Variants in NLGN1 observed in about 807,000 individuals in gnomAD.
NLGN1 encodes neuroligin 1.
In NLGN1, 12 loss-of-function variants were observed where a neutral mutation model predicts 65.5. That is an observed-to-expected ratio of 0.18 (90% CI 0.12 to 0.30). The LOEUF (loss-of-function observed/expected upper bound fraction) is 0.30. NLGN1 is among the 10% of genes least tolerant of loss of function. The pLI is 1.00. For missense variants in NLGN1, 750 were observed against 1,007.1 expected (o/e 0.74, Z 3.46); for synonymous variants, 350 against 359.5 (o/e 0.97, Z 0.30).
At chr3:174,206,544 G>C (rs1331063405) in intron 4 of NLGN1, among the ~76,000 whole-genome samples, 1 of 152,162 alleles carries the variant, frequency 6.6e-6, no homozygotes, top group Non-Finnish European at 1.5e-5. Context: ...GAGGGCCTGT[G>C]TCCTACACTC....
intron 4 of NLGN1, chr3:174,202,914 A>G (rs1344850309): frequency 6.6e-6 from 1 of 152,196 alleles, no homozygotes; most frequent in Non-Finnish European, 1.5e-5. Context: ...CTTGTTGGTC[A>G]AGTGAATTGC....
chr3:173,731,858 TAA>T (rs1772912636), intron 3 of NLGN1, among the ~76,000 whole-genome samples: 1 of 151,996 alleles, frequency 6.6e-6, no homozygotes. Context: ...GTCAAAAAAT[TAA>T]AAAGACATTT....
intron 1 of NLGN1, among the ~76,000 whole-genome samples, chr3:173,417,448 T>C (rs1033436387): frequency 5.3e-5 from 8 of 151,950 alleles, no homozygotes; most frequent in African/African-American, 1.9e-4. Context: ...TCTATTTTGC[T>C]TAATTATCTG....
At chr3:173,783,354 C>T (rs1270522163) in intron 3 of NLGN1, among the ~76,000 whole-genome samples, 4 of 152,248 alleles carry the variant, frequency 2.6e-5, no homozygotes, top group East Asian at 3.9e-4. Context: ...GTAGCAGATA[C>T]GCTACTGTTG....
At chr3:173,680,491 C>T (rs1763808648) in intron 3 of NLGN1, among the ~76,000 whole-genome samples, 1 of 152,056 alleles carries the variant, frequency 6.6e-6, no homozygotes, top group Non-Finnish European at 1.5e-5. Flanking sequence ...GAAGTGTAGC[C>T]AGTCATCAGT....
intron 4 of NLGN1, among the ~76,000 whole-genome samples, chr3:174,096,506 A>G (rs1248830295): frequency 6.6e-6 from 1 of 152,120 alleles, no homozygotes; most frequent in African/African-American, 2.4e-5. Context: ...TACCTCTACC[A>G]TCAGAATACA....
At chr3:174,170,451 G>A (rs1728309566) in intron 4 of NLGN1, among the ~76,000 whole-genome samples, 2 of 152,146 alleles carry the variant, frequency 1.3e-5, no homozygotes, top group South Asian at 4.1e-4. Context: ...GCTCCGTGAT[G>A]GATTATTGCA....
chr3:173,606,767 A>G (rs1397926928), intron 3 of NLGN1, among the ~76,000 whole-genome samples: 1 of 151,962 alleles, frequency 6.6e-6, no homozygotes, highest in Non-Finnish European at 1.5e-5. Flanking sequence ...TTTAACCTTC[A>G]TTCTTTATTG....
chr3:173,570,427 C>G (rs543997542), intron 2 of NLGN1, among the ~76,000 whole-genome samples: 43 of 152,276 alleles, frequency 2.8e-4, no homozygotes, highest in Middle Eastern at 3.4e-3. Flanking sequence ...CTATTCACAA[C>G]CATGTGATCT....
intron 4 of NLGN1, among the ~76,000 whole-genome samples, chr3:173,811,435 G>C (rs1311271241): frequency 2.0e-5 from 3 of 151,840 alleles, no homozygotes; most frequent in Non-Finnish European, 4.4e-5. Context: ...GTGGTGGTGG[G>C]TGCCTGTAAT....
intron 2 of NLGN1, among the ~76,000 whole-genome samples, chr3:173,532,522 G>A (rs1214103502): frequency 6.6e-6 from 1 of 152,056 alleles, no homozygotes; most frequent in Admixed American, 6.6e-5. Flanking sequence ...TAAGCCACTT[G>A]TCTTACTTGT....
intron 4 of NLGN1, among the ~76,000 whole-genome samples, chr3:174,073,003 G>T (rs1310805814): frequency 3.9e-5 from 6 of 152,140 alleles, no homozygotes; most frequent in Non-Finnish European, 7.3e-5. Flanking sequence ...GCCCTCTTGA[G>T]TGGAATTTTC....
chr3:173,968,056 T>TGAA (rs1715270365), intron 4 of NLGN1, among the ~76,000 whole-genome samples: 5 of 152,192 alleles, frequency 3.3e-5, no homozygotes, highest in African/African-American at 1.2e-4. Flanking sequence ...GAACTTTATC[T>TGAA]CTGAAAGGTT....
chr3:173,590,820 A>G (rs1748355010), intron 2 of NLGN1, among the ~76,000 whole-genome samples: 1 of 152,184 alleles, frequency 6.6e-6, no homozygotes, highest in Non-Finnish European at 1.5e-5. Flanking sequence ...GACAAATAGT[A>G]ACTGAGGCTT....
chr3:173,820,196 A>C lies in NLGN1; in HGVS notation c.646+12364A>C, dbSNP rs975549658. On this transcript the variant is annotated intron_variant, in intron 4 of 6. Coordinates refer to ENST00000457714, the Ensembl canonical transcript of NLGN1. Reference sequence around the variant, plus strand: ...TCAGTCTCGAAAAAAAAAAAAAAAAAAAAAAAACGAGAAAGAGTAGCAATC... The same window carrying C: ...TCAGTCTCGAAAAAAAAAAAAAAAACAAAAAAACGAGAAAGAGTAGCAATC... Among the ~76,000 whole-genome samples the C allele has an allele frequency of 2.0e-4, 30 of 152,152 alleles. No individual in the cohort carries two copies. In the South Asian group the frequency reaches 5.0e-3, roughly 25 times the overall value.
chr3:174,204,161 T>C (rs913420080), intron 4 of NLGN1, among the ~76,000 whole-genome samples: 4 of 152,184 alleles, frequency 2.6e-5, no homozygotes, highest in Non-Finnish European at 4.4e-5. Context: ...GCAGTAGGGC[T>C]TTTTGTTTTG....
chr3:173,881,313 G>A (rs1733214129), intron 4 of NLGN1, among the ~76,000 whole-genome samples: 1 of 150,260 alleles, frequency 6.7e-6, no homozygotes, highest in Non-Finnish European at 1.5e-5. Flanking sequence ...TGGCCAAGAT[G>A]TTCTCAATCT....
At chr3:174,160,912 C>G (rs1358101827) in intron 4 of NLGN1, among the ~76,000 whole-genome samples, 1 of 151,164 alleles carries the variant, frequency 6.6e-6, no homozygotes, top group Non-Finnish European at 1.5e-5. Flanking sequence ...TGAACCATAC[C>G]CACCTCCTGC....
At chr3:173,705,151 A>T (rs1168310059) in intron 3 of NLGN1, among the ~76,000 whole-genome samples, 2 of 151,742 alleles carry the variant, frequency 1.3e-5, no homozygotes, top group Admixed American at 1.3e-4. Context: ...CTCCTTTGGA[A>T]ACATTTTTTT....
Sources: gnomAD v4.1 joint callset for allele counts (sites outside exome capture counted in the v4.1 genomes callset) on GRCh38, gnomAD v4.1.1 for gene constraint, MANE v1.5 for transcripts, NCBI Gene and HGNC (gene_info 2026-07-23, HGNC 2026-07-21) for gene names.